Variants in SPOCK3 observed in about 807,000 individuals in gnomAD.
The protein encoded by SPOCK3 is SPARC (osteonectin), cwcv and kazal like domains proteoglycan 3, also known as testican-3.
A neutral mutation model predicts 56.6 loss-of-function variants in SPOCK3; 30 were observed. The ratio of observed to expected loss-of-function variants is 0.53; its 90% CI spans 0.40 to 0.72. The LOEUF (loss-of-function observed/expected upper bound fraction) is 0.72. Among genes scored for constraint, SPOCK3 ranks in the 30% least tolerant of loss-of-function variants. The pLI, the probability that SPOCK3 is intolerant of heterozygous loss-of-function variation, is 0.00. For missense variants in SPOCK3, 527 were observed against 530.0 expected (o/e 0.99, Z 0.06); for synonymous variants, 196 against 183.3 (o/e 1.07, Z -0.56).
At chr4:167,015,310 A>G (rs1750513391) in intron 3 of SPOCK3, among the ~76,000 whole-genome samples, 1 of 152,138 alleles carries the variant, frequency 6.6e-6, no homozygotes, top group African/African-American at 2.4e-5. Flanking sequence ...AAATGAAAAG[A>G]GGCTTTATAT....
At chr4:167,107,354 AAATC>A (rs1403767693) in intron 2 of SPOCK3, among the ~76,000 whole-genome samples, 66 of 152,120 alleles carry the variant, frequency 4.3e-4, no homozygotes, top group African/African-American at 1.5e-3. Context: ...CAACATACAC[AAATC>A]AATCAATGTG....
intron 3 of SPOCK3, among the ~76,000 whole-genome samples, chr4:167,046,558 T>A (rs1238915013): frequency 2.0e-5 from 3 of 148,208 alleles, no homozygotes; most frequent in Non-Finnish European, 3.0e-5. Context: ...GGGGTTCAAG[T>A]GACTCTCCTG....
chr4:167,062,455 T>A (rs527399418), intron 3 of SPOCK3, 37 bp downstream of exon 3: 5 of 1,469,068 alleles, frequency 3.4e-6, no homozygotes, highest in Non-Finnish European at 4.7e-6. Context: ...ATTATGAACA[T>A]GTAAAGGTTT....
At chr4:166,938,483 A>C (rs1189334604) in intron 4 of SPOCK3, among the ~76,000 whole-genome samples, 1 of 151,812 alleles carries the variant, frequency 6.6e-6, no homozygotes, top group African/African-American at 2.4e-5. Flanking sequence ...AAAAATGTTT[A>C]GTAGGTAATT....
intron 7 of SPOCK3, among the ~76,000 whole-genome samples, chr4:166,774,510 T>G (rs897511): frequency 0.41 from 61,842 of 152,066 alleles, 13,277 homozygotes; most frequent in African/African-American, 0.51. Context: ...TACTCTGTAT[T>G]CCCAACAGCC....
chr4:167,141,300 T>G (rs533246152), intron 2 of SPOCK3, among the ~76,000 whole-genome samples: 60 of 152,042 alleles, frequency 3.9e-4, no homozygotes, highest in Non-Finnish European at 7.2e-4. Flanking sequence ...CCAGACGTCC[T>G]AGTGCTCGTC....
At chr4:166,786,535 T>C (rs1010494620) in intron 7 of SPOCK3, among the ~76,000 whole-genome samples, 15 of 152,128 alleles carry the variant, frequency 9.9e-5, no homozygotes, top group Admixed American at 7.9e-4. Flanking sequence ...ATGGCTTAAT[T>C]TGTATTCTTA....
At chr4:166,896,917 C>T (rs1159674302) in intron 5 of SPOCK3, among the ~76,000 whole-genome samples, 1 of 152,064 alleles carries the variant, frequency 6.6e-6, no homozygotes, top group African/African-American at 2.4e-5. Flanking sequence ...ACCCTTCCCC[C>T]CTTCACCAAC....
intron 8 of SPOCK3, 55 bp from the exon 9 acceptor site, chr4:166,742,114 T>A: frequency 1.6e-6 from 2 of 1,278,762 alleles, no homozygotes; most frequent in Non-Finnish European, 2.3e-6. Context: ...AAAGAAAGTG[T>A]AATTTCTATG....
At chr4:166,989,428 C>G (rs568996660) in intron 4 of SPOCK3, among the ~76,000 whole-genome samples, 23 of 152,208 alleles carry the variant, frequency 1.5e-4, no homozygotes, top group African/African-American at 5.3e-4. Flanking sequence ...GGCAAAATCC[C>G]TCTAAGTTTA....
intron 7 of SPOCK3, among the ~76,000 whole-genome samples, chr4:166,779,285 CA>C (rs199628090): frequency 1.8e-4 from 27 of 149,898 alleles, no homozygotes; most frequent in African/African-American, 5.9e-4. Flanking sequence ...AACTCATTCT[CA>C]AAAAAAAAGT....
chr4:166,738,062 A>G (rs1014970969), intron 9 of SPOCK3, among the ~76,000 whole-genome samples: 1 of 152,170 alleles, frequency 6.6e-6, no homozygotes. Flanking sequence ...TTCCAAATCA[A>G]GCTATGTGTT....
chr4:167,230,380 C>T lies in SPOCK3; in HGVS notation c.189+3605G>A, dbSNP rs1292493772. Among the ~76,000 whole-genome samples, 25 of 150,972 alleles carry T rather than the reference C, an allele frequency of 1.7e-4. No individual in the cohort carries two copies. In the Admixed American group the frequency reaches 1.7e-3, roughly 10 times the overall value. On this transcript the variant is annotated intron_variant, in intron 2 of 10. Transcript: ENST00000357545. The stretch of plus-strand genomic sequence containing the variant: ...ATTTCCAATTCTCCTAATATATTCA[C>T]AAGAATGGGATGAATGAATCCTTTA...
Position 166,734,186 on chromosome 4 carries a change from G to A in SPOCK3, c.*735C>T, listed in dbSNP as rs540748579. On this transcript the variant is annotated 3_prime_UTR_variant, in exon 11 of 11. Transcript: ENST00000357545. Reference sequence around the variant, plus strand: ...CAGAAAGATAAAGAAATCTAGAAAGGCAAACAAATCATGTTATTAAAGAAT... The same window carrying A: ...CAGAAAGATAAAGAAATCTAGAAAGACAAACAAATCATGTTATTAAAGAAT... 18 of 151,858 alleles carry A rather than the reference G, an allele frequency of 1.2e-4. No individual in the cohort carries two copies. In the South Asian group the frequency reaches 3.5e-3, roughly 30 times the overall value. The allele number at this position is 151,858 out of a possible 1,614,324, so 9.4% of individuals were successfully genotyped here.
chr4:167,136,318 T>C (rs998279557), intron 2 of SPOCK3, among the ~76,000 whole-genome samples: 3 of 152,138 alleles, frequency 2.0e-5, no homozygotes, highest in Non-Finnish European at 4.4e-5. Context: ...AGATTAAAAA[T>C]AGTTTATTTT....
intron 2 of SPOCK3, among the ~76,000 whole-genome samples, chr4:167,105,794 A>T (rs1251329688): frequency 6.6e-6 from 1 of 151,980 alleles, no homozygotes; most frequent in Non-Finnish European, 1.5e-5. Context: ...AAAGGGGTGA[A>T]AAAAGATATT....
intron 4 of SPOCK3, among the ~76,000 whole-genome samples, chr4:166,974,330 A>G (rs1006789386): frequency 6.6e-6 from 1 of 152,198 alleles, no homozygotes; most frequent in Admixed American, 6.5e-5. Flanking sequence ...TTGGGGACAG[A>G]CATTGAAAGT....
At chr4:167,009,189 A>T (rs548394357) in intron 3 of SPOCK3, among the ~76,000 whole-genome samples, 228 of 152,134 alleles carry the variant, frequency 1.5e-3, no homozygotes, top group Non-Finnish European at 2.7e-3. Context: ...AAAATAACTT[A>T]AAAAAATACT....
At chr4:166,793,510 G>A (rs923085010) in intron 6 of SPOCK3, among the ~76,000 whole-genome samples, 21 of 152,142 alleles carry the variant, frequency 1.4e-4, no homozygotes, top group African/African-American at 1.9e-4. Context: ...GTGTTGGGTC[G>A]CATTCAAAGC....
Sources: allele counts gnomAD v4.1 joint callset (sites outside exome capture counted in the v4.1 genomes callset), GRCh38; gene constraint gnomAD v4.1.1; transcripts MANE v1.5; gene names NCBI Gene and HGNC (gene_info 2026-07-23, HGNC 2026-07-21).